Variants in LRP1B observed in about 807,000 individuals in gnomAD.
LRP1B encodes LDL receptor related protein 1B.
A neutral mutation model predicts 556.6 loss-of-function variants in LRP1B; 217 were observed. The ratio of observed to expected loss-of-function variants is 0.39; its 90% CI spans 0.35 to 0.44. LRP1B has a LOEUF of 0.44. Among genes scored for constraint, LRP1B ranks in the 20% least tolerant of loss-of-function variants. The pLI, the probability that LRP1B is intolerant of heterozygous loss-of-function variation, is 1.00. For missense variants in LRP1B, 5,053 were observed against 5,620.8 expected (o/e 0.90, Z 3.23); for synonymous variants, 2,047 against 1,865.8 (o/e 1.10, Z -2.50).
At chr2:141,989,527 T>C (rs1166495543) in intron 1 of LRP1B, among the ~76,000 whole-genome samples, 2 of 152,104 alleles carry the variant, frequency 1.3e-5, no homozygotes, top group African/African-American at 4.8e-5. Context: ...TATTTGATCT[T>C]TGGTATGGTT....
chr2:141,043,621 G>A (rs1452989897), intron 11 of LRP1B, among the ~76,000 whole-genome samples: 1 of 151,850 alleles, frequency 6.6e-6, no homozygotes, highest in African/African-American at 2.4e-5. Context: ...TTAAAAATAT[G>A]AAATGATATG....
chr2:141,599,065 C>CCCCCCCCG (rs1687637724), intron 2 of LRP1B, among the ~76,000 whole-genome samples: 2 of 84,188 alleles, frequency 2.4e-5, no homozygotes, highest in African/African-American at 1.0e-4. Context: ...CCCCCCCCCC[C>CCCCCCCCG]CCCCCCCCCG....
At chr2:141,436,887 A>G (rs576432589) in intron 3 of LRP1B, among the ~76,000 whole-genome samples, 2 of 152,290 alleles carry the variant, frequency 1.3e-5, no homozygotes, top group South Asian at 2.1e-4. Flanking sequence ...AGAACATGGC[A>G]TCTGTCTCTT....
intron 2 of LRP1B, among the ~76,000 whole-genome samples, chr2:141,724,064 G>A (rs929963974): frequency 2.0e-5 from 3 of 151,798 alleles, no homozygotes; most frequent in African/African-American, 7.2e-5. Flanking sequence ...TACCAGATAA[G>A]AAAGAAAATA....
intron 18 of LRP1B, among the ~76,000 whole-genome samples, chr2:140,964,486 C>A (rs533979208): frequency 1.3e-5 from 2 of 152,178 alleles, no homozygotes; most frequent in Admixed American, 1.3e-4. Flanking sequence ...GACCATGATC[C>A]GCTTGGTGAC....
intron 72 of LRP1B, among the ~76,000 whole-genome samples, chr2:140,363,514 T>C (rs370885050): frequency 6.6e-6 from 1 of 151,620 alleles, no homozygotes; most frequent in Non-Finnish European, 1.5e-5. Context: ...GGATTGATGT[T>C]GGTAGATAAG....
At chr2:140,601,662 A>C (rs759993590) in intron 41 of LRP1B, 23 bp from the exon 42 acceptor site, 5 of 1,518,104 alleles carry the variant, frequency 3.3e-6, no homozygotes, top group Non-Finnish European at 4.5e-6. Context: ...GAAAAAGAAA[A>C]AATATATACT....
intron 2 of LRP1B, among the ~76,000 whole-genome samples, chr2:141,782,833 T>C (rs1371269118): frequency 1.3e-5 from 2 of 152,044 alleles, no homozygotes; most frequent in African/African-American, 4.8e-5. Flanking sequence ...TAAATTTTAT[T>C]GTATGTTTAC....
At position 140,643,766 on chromosome 2, in the gene LRP1B, T is replaced by C. The variant is rs148574858; in HGVS notation, c.6800-42127A>G. ...ATTAAACTTGAATGTACGTAATCAC[T>C]ATTTCAATGGTGCAATGTTCATGCA... On this transcript the variant is annotated intron_variant, in intron 41 of 90. Transcript: ENST00000389484. Among the ~76,000 whole-genome samples the C allele has an allele frequency of 2.0e-4, 30 of 152,302 alleles. 1 individual carries two copies. The highest frequency in any genetic ancestry group is 3.3e-4 in the Admixed American group (5 of 15,302).
chr2:140,914,928 G>T (rs549857257), intron 21 of LRP1B, among the ~76,000 whole-genome samples: 3 of 152,138 alleles, frequency 2.0e-5, no homozygotes, highest in Non-Finnish European at 2.9e-5. Context: ...CATTCTACCA[G>T]TTATTACTAT....
At chr2:140,984,451 G>T (rs1160600887) in intron 17 of LRP1B, among the ~76,000 whole-genome samples, 2 of 151,918 alleles carry the variant, frequency 1.3e-5, no homozygotes, top group East Asian at 3.9e-4. Flanking sequence ...CCTGTAATAA[G>T]AATATATTAA....
intron 86 of LRP1B, among the ~76,000 whole-genome samples, chr2:140,264,292 A>C (rs1012017299): frequency 2.0e-4 from 31 of 152,100 alleles, no homozygotes; most frequent in Admixed American, 1.7e-3. Context: ...GCAATGGCGC[A>C]GTCTCAGCTC....
At chr2:140,786,918 G>A (rs1689925802) in intron 32 of LRP1B, among the ~76,000 whole-genome samples, 1 of 152,112 alleles carries the variant, frequency 6.6e-6, no homozygotes, top group Admixed American at 6.5e-5. Flanking sequence ...GGAGTTAGCT[G>A]ACAGAAACAA....
intron 6 of LRP1B, among the ~76,000 whole-genome samples, chr2:141,204,279 C>A (rs954318703): frequency 6.6e-6 from 1 of 152,138 alleles, no homozygotes; most frequent in Non-Finnish European, 1.5e-5. Context: ...GTCCAACAAT[C>A]AAAACCAATC....
chr2:140,315,168 G>A (rs2105037385), intron 82 of LRP1B, 69 bp from the exon 83 acceptor site: 1 of 1,055,818 alleles, frequency 9.5e-7, no homozygotes, highest in Admixed American at 2.5e-5. Flanking sequence ...AATTCAAATA[G>A]ATACAATATT....
intron 1 of LRP1B, among the ~76,000 whole-genome samples, chr2:141,932,020 T>A (rs1700521957): frequency 6.6e-6 from 1 of 152,010 alleles, no homozygotes; most frequent in South Asian, 2.1e-4. Flanking sequence ...GAGAGATAAC[T>A]GGCAGCAAAG....
At chr2:140,746,664 T>G (rs1688325200) in intron 35 of LRP1B, among the ~76,000 whole-genome samples, 4 of 152,176 alleles carry the variant, frequency 2.6e-5, no homozygotes, top group African/African-American at 7.2e-5. Context: ...GTTTTGTTTT[T>G]TTCTCAGTTT....
chr2:140,680,873 T>TTAAA (rs1685836043), intron 41 of LRP1B, among the ~76,000 whole-genome samples: 1 of 152,224 alleles, frequency 6.6e-6, no homozygotes, highest in Non-Finnish European at 1.5e-5. Flanking sequence ...TTGTATATCT[T>TTAAA]TAAATATGAT....
At chr2:141,630,533 C>T (rs1183877941) in intron 2 of LRP1B, among the ~76,000 whole-genome samples, 1 of 152,168 alleles carries the variant, frequency 6.6e-6, no homozygotes. Context: ...TCCCCCTTCC[C>T]CTTTCCCAGG....
Sources: gnomAD v4.1 joint callset for allele counts (sites outside exome capture counted in the v4.1 genomes callset) on GRCh38, gnomAD v4.1.1 for gene constraint, MANE v1.5 for transcripts, NCBI Gene and HGNC (gene_info 2026-07-23, HGNC 2026-07-21) for gene names.